The following ADGRL2 variants were observed in gnomAD, a reference collection of about 807,000 sequenced individuals.
ADGRL2 encodes calcium-independent alpha-latrotoxin receptor 2.
In ADGRL2, 44 loss-of-function variants were observed where a neutral mutation model predicts 157.4. The ratio of observed to expected loss-of-function variants is 0.28; its 90% CI spans 0.22 to 0.36. The LOEUF (loss-of-function observed/expected upper bound fraction) is 0.36, where lower values mean the gene tolerates loss of function less well. Among genes scored for constraint, ADGRL2 ranks in the 10% least tolerant of loss-of-function variants. ADGRL2 has a pLI of 1.00. For missense variants in ADGRL2, 1,510 were observed against 1,768.9 expected (o/e 0.85, Z 2.63); for synonymous variants, 585 against 624.7 (o/e 0.94, Z 0.95).
At chr1:81,585,866 CACACACACACACACATTCACAT>C (rs1274764329) in intron 3 of ADGRL2, 1 of 150,698 alleles carries the variant, frequency 6.6e-6, no homozygotes, top group Non-Finnish European at 1.5e-5. Flanking sequence ...ATGCACACAA[CACACACACACACACATTCACAT>C]ACACACAAAC....
intron 3 of ADGRL2, among the ~76,000 whole-genome samples, chr1:81,607,973 C>T (rs2148659745): frequency 6.6e-6 from 1 of 152,262 alleles, no homozygotes; most frequent in Middle Eastern, 3.4e-3. Context: ...AACTCATGAA[C>T]CTTACTAAAG....
chr1:81,533,105 G>A (rs1193592536), intron 2 of ADGRL2, among the ~76,000 whole-genome samples: 1 of 152,038 alleles, frequency 6.6e-6, no homozygotes, highest in Non-Finnish European at 1.5e-5. Context: ...GTGGCCAGGT[G>A]TGGTGGCTCA....
At chr1:81,426,955 A>T in intron 1 of ADGRL2, 1 of 747,804 alleles carries the variant, frequency 1.3e-6, no homozygotes, top group Non-Finnish European at 2.4e-6. Flanking sequence ...AAAAGGAAGG[A>T]TTTGCTTTTG....
At chr1:81,611,196 C>A (rs571717627) in intron 3 of ADGRL2, among the ~76,000 whole-genome samples, 1 of 152,116 alleles carries the variant, frequency 6.6e-6, no homozygotes, top group Non-Finnish European at 1.5e-5. Context: ...ATATAAAGAC[C>A]GGAAGCCCTA....
Position 81,448,686 on chromosome 1 carries a change from TAA to T in ADGRL2, c.-248+3603_-248+3604del, listed in dbSNP as rs1162708873. On this transcript the variant is annotated intron_variant, in intron 2 of 24. Transcript: ENST00000370721. Reference sequence around the variant, plus strand: ...CAACATGGAAAAACTCTGTCTCTATTAAAAAAACAAAAACAGACAAACAAAAA... The same window carrying T: ...CAACATGGAAAAACTCTGTCTCTATTAAAAACAAAAACAGACAAACAAAAA... Among the ~76,000 whole-genome samples, 10 of 151,974 alleles carry T rather than the reference TAA, an allele frequency of 6.6e-5. No homozygotes were observed. In the East Asian group the frequency reaches 1.9e-3, roughly 29 times the overall value.
chr1:81,715,632 C>T (rs1286757172), intron 1 of ADGRL2, among the ~76,000 whole-genome samples: 4 of 151,980 alleles, frequency 2.6e-5, no homozygotes, highest in South Asian at 2.1e-4. Context: ...TGCGACATGA[C>T]GTGCCTGGTA....
At chr1:81,838,430 A>G (rs1266911312) in intron 2 of ADGRL2, among the ~76,000 whole-genome samples, 2 of 152,118 alleles carry the variant, frequency 1.3e-5, no homozygotes, top group Admixed American at 1.3e-4. Context: ...TTGCTTTAGA[A>G]TTGAAGATGC....
intron 2 of ADGRL2, among the ~76,000 whole-genome samples, chr1:81,531,498 G>T (rs779320591): frequency 5.3e-5 from 8 of 152,102 alleles, no homozygotes; most frequent in Non-Finnish European, 8.8e-5. Context: ...AATAATTAGG[G>T]TGCTGAATAA....
chr1:81,333,780 A>AT (rs1553154310), intron 1 of ADGRL2, among the ~76,000 whole-genome samples: 2 of 151,704 alleles, frequency 1.3e-5, no homozygotes, highest in Non-Finnish European at 2.9e-5. Context: ...AAAAAAAAAA[A>AT]TTCCTTACTT....
intron 2 of ADGRL2, among the ~76,000 whole-genome samples, chr1:81,555,771 C>T (rs1404419655): frequency 6.6e-6 from 1 of 152,140 alleles, no homozygotes; most frequent in Non-Finnish European, 1.5e-5. Context: ...TGGCAATAAC[C>T]TTCCTTAACG....
chr1:81,918,546 TTGA>T (rs1373175223), intron 3 of ADGRL2, among the ~76,000 whole-genome samples: 1 of 152,118 alleles, frequency 6.6e-6, no homozygotes. Flanking sequence ...TTTCCCCCTC[TTGA>T]TGAGTAAAAT....
At chr1:81,720,184 C>CTTTTTTTT in intron 1 of ADGRL2, among the ~76,000 whole-genome samples, 1 of 122,052 alleles carries the variant, frequency 8.2e-6, no homozygotes, top group South Asian at 2.6e-4. Context: ...TTTTTCTTTT[C>CTTTTTTTT]TTTTTTTTTT....
chr1:81,730,450 CG>C (rs2084680147), intron 1 of ADGRL2, among the ~76,000 whole-genome samples: 3 of 152,058 alleles, frequency 2.0e-5, no homozygotes, highest in Admixed American at 1.3e-4. Flanking sequence ...AGTGCAGGGC[CG>C]GGCACAGTGG....
rs553145946 is a variant in ADGRL2 at position 81,892,148 on chromosome 1, A to G, written c.74-14869A>G. ...TCATGACTGCTTTTCAAATGAAGAG[A>G]TTGGGGACTGATATTTGAAGTGATT... is the stretch of plus-strand genomic sequence containing the variant. On this transcript the variant is annotated intron_variant, in intron 2 of 23. Transcript: ENST00000686636. Among the ~76,000 whole-genome samples the G allele has an allele frequency of 1.4e-4, 22 of 152,178 alleles. No individual in the cohort carries two copies. The South Asian group carries it at 4.4e-3, about 30-fold the overall frequency.
chr1:81,580,343 A>T (rs1465975357), intron 2 of ADGRL2, among the ~76,000 whole-genome samples: 2 of 151,834 alleles, frequency 1.3e-5, no homozygotes, highest in African/African-American at 4.8e-5. Flanking sequence ...CAAAATAAAC[A>T]CAACTGTGTC....
intron 1 of ADGRL2, among the ~76,000 whole-genome samples, chr1:81,348,551 C>T (rs1662648389): frequency 6.6e-6 from 1 of 151,814 alleles, no homozygotes. Flanking sequence ...TAAAAGTAAA[C>T]ATGAATTGAG....
rs144971665 is a variant in ADGRL2 at position 81,838,287 on chromosome 1, A to C, written c.73+1230A>C. On this transcript the variant is annotated intron_variant, in intron 2 of 23. Coordinates refer to ENST00000686636, the MANE Select transcript of ADGRL2 (RefSeq NM_001366006.2). ...TGATATGATGTAATATAATTTAAAT[A>C]AATAACAAATTTAGAAATACTTAAA... is the stretch of plus-strand genomic sequence containing the variant. Among the ~76,000 whole-genome samples the C allele has an allele frequency of 3.1e-3, 478 of 152,208 alleles. 3 individuals carry two copies. Among genetic ancestry groups the C allele is most frequent in the African/African-American group, 0.01 (429 of 41,568 alleles).
chr1:81,511,885 G>A (rs11163321), intron 2 of ADGRL2, among the ~76,000 whole-genome samples: 12,659 of 151,944 alleles, frequency 0.083, 690 homozygotes, highest in East Asian at 0.25. Flanking sequence ...TTCAGTAAAG[G>A]GTGAGAAGTT....
In ADGRL2 at chr1:81,993,194, C is replaced by A. The variant is rs1486782884; in HGVS notation, c.*2049C>A. On this transcript the variant is annotated 3_prime_UTR_variant, in exon 24 of 24. Coordinates refer to ENST00000686636, the MANE Select transcript of ADGRL2 (RefSeq NM_001366006.2). Reference sequence around the variant, plus strand: ...TCGGCTCACTGCAACCTCCGCCTCCCAGGTTCTCAAACAGATTTAACAATC... The same window carrying A: ...TCGGCTCACTGCAACCTCCGCCTCCAAGGTTCTCAAACAGATTTAACAATC... Among the ~76,000 whole-genome samples the A allele has an allele frequency of 1.4e-5, 2 of 139,460 alleles. No homozygotes were observed. Among genetic ancestry groups the A allele is most frequent in the Non-Finnish European group, 1.5e-5 (1 of 64,698 alleles). 91.5% of individuals were successfully genotyped at this position (139,460 alleles called of 152,430 possible). A position where few individuals can be genotyped will look rare whatever the true frequency, so the allele number is the denominator to read the frequency against.
Sources: allele counts gnomAD v4.1 joint callset (sites outside exome capture counted in the v4.1 genomes callset), GRCh38; gene constraint gnomAD v4.1.1; transcripts MANE v1.5; gene names NCBI Gene and HGNC (gene_info 2026-07-23, HGNC 2026-07-21).